Variants in RAB3C observed in about 807,000 individuals in gnomAD.
RAB3C encodes the protein RAB3C, member RAS oncogene family, also known as ras-related protein Rab-3C.
RAB3C carries 17 observed loss-of-function variants against 26.4 expected under a neutral mutation model. The observed-to-expected ratio is 0.64, with a 90% confidence interval of 0.44 to 0.97. The LOEUF is 0.97. Ranked by LOEUF, RAB3C falls within the 50% of genes least tolerant of loss-of-function variation. The pLI is 0.00. For synonymous variants in RAB3C, 91 were observed against 95.9 expected, an observed-to-expected ratio of 0.95 and a Z score of 0.30; for missense variants, 242 against 281.9, an observed-to-expected ratio of 0.86 and a Z score of 1.01.
intron 2 of RAB3C, among the ~76,000 whole-genome samples, chr5:58,696,591 A>G (rs1385415967): frequency 6.6e-6 from 1 of 152,150 alleles, no homozygotes; most frequent in East Asian, 1.9e-4. Context: ...TATTGCTTCA[A>G]TTTCAGAGCC....
intron 2 of RAB3C, among the ~76,000 whole-genome samples, chr5:58,696,770 C>A (rs1375188036): frequency 6.6e-6 from 1 of 151,920 alleles, no homozygotes; most frequent in Non-Finnish European, 1.5e-5. Flanking sequence ...TGGTGATATC[C>A]CCTTTATCAT....
chr5:58,699,603 A>G (rs952111050), intron 2 of RAB3C, among the ~76,000 whole-genome samples: 2 of 152,098 alleles, frequency 1.3e-5, no homozygotes, highest in Admixed American at 6.5e-5. Flanking sequence ...GGCCTTGTTG[A>G]GCTAAGGTGG....
At chr5:58,735,543 G>A (rs569010865) in intron 3 of RAB3C, among the ~76,000 whole-genome samples, 18 of 152,260 alleles carry the variant, frequency 1.2e-4, no homozygotes, top group South Asian at 1.0e-3. Flanking sequence ...AATATACTAT[G>A]TCACAGTTCT....
At chr5:58,676,851 A>T (rs1748241627) in intron 2 of RAB3C, among the ~76,000 whole-genome samples, 1 of 152,194 alleles carries the variant, frequency 6.6e-6, no homozygotes, top group Non-Finnish European at 1.5e-5. Flanking sequence ...ACTCAAAATT[A>T]TCAATGTATT....
intron 2 of RAB3C, among the ~76,000 whole-genome samples, chr5:58,654,467 T>C (rs1747723433): frequency 6.6e-6 from 1 of 152,212 alleles, no homozygotes; most frequent in Admixed American, 6.5e-5. Context: ...CATTTAATTA[T>C]AATTTAAATG....
intron 2 of RAB3C, among the ~76,000 whole-genome samples, chr5:58,688,078 A>G (rs1249151407): frequency 6.6e-6 from 1 of 152,142 alleles, no homozygotes; most frequent in Non-Finnish European, 1.5e-5. Flanking sequence ...TAATACCAAA[A>G]ATCATTTTAC....
intron 2 of RAB3C, among the ~76,000 whole-genome samples, chr5:58,720,266 G>T (rs867756256): frequency 2.6e-5 from 4 of 151,866 alleles, no homozygotes; most frequent in Middle Eastern, 3.4e-3. Flanking sequence ...CTAATTAAGT[G>T]CTCTCAATGT....
intron 3 of RAB3C, among the ~76,000 whole-genome samples, chr5:58,764,298 G>GC (rs79165454): frequency 0.22 from 33,351 of 152,022 alleles, 3,822 homozygotes; most frequent in East Asian, 0.33. Context: ...CACGGCTATG[G>GC]CCTTTAAATC....
chr5:58,706,864 C>T (rs1748953141), intron 2 of RAB3C, among the ~76,000 whole-genome samples: 1 of 152,170 alleles, frequency 6.6e-6, no homozygotes, highest in East Asian at 1.9e-4. Flanking sequence ...ATCATTTTTA[C>T]CGTTGAGACA....
intron 2 of RAB3C, among the ~76,000 whole-genome samples, chr5:58,674,625 G>A (rs913380763): frequency 6.6e-6 from 1 of 152,136 alleles, no homozygotes; most frequent in Non-Finnish European, 1.5e-5. Context: ...ATACAATAAT[G>A]CAATATTTAA....
At chr5:58,623,650 A>T (rs1230710003) in intron 2 of RAB3C, among the ~76,000 whole-genome samples, 3 of 152,182 alleles carry the variant, frequency 2.0e-5, no homozygotes, top group African/African-American at 7.2e-5. Flanking sequence ...CCTACATCCC[A>T]CTGTGTTTAA....
chr5:58,789,214 G>C (rs763844913), intron 3 of RAB3C, among the ~76,000 whole-genome samples: 6 of 152,002 alleles, frequency 3.9e-5, no homozygotes, highest in Non-Finnish European at 8.8e-5. Flanking sequence ...TCTGCTTGGG[G>C]TACCAGCTGC....
At chr5:58,624,721 T>C (rs947399493) in intron 2 of RAB3C, among the ~76,000 whole-genome samples, 3 of 152,112 alleles carry the variant, frequency 2.0e-5, no homozygotes, top group African/African-American at 7.2e-5. Context: ...CAGTGGAACA[T>C]GCAGGCAAAG....
At chr5:58,797,967 C>A (rs1392817120) in intron 3 of RAB3C, among the ~76,000 whole-genome samples, 1 of 152,106 alleles carries the variant, frequency 6.6e-6, no homozygotes, top group Non-Finnish European at 1.5e-5. Context: ...GTAGTCCAGG[C>A]ATGTGTCAAG....
chr5:58,744,388 G>A (rs1488852899), intron 3 of RAB3C, among the ~76,000 whole-genome samples: 1 of 152,228 alleles, frequency 6.6e-6, no homozygotes, highest in Non-Finnish European at 1.5e-5. Flanking sequence ...GACTGATAGG[G>A]AGAAGGCTTC....
At chr5:58,612,105 A>G (rs901686097) in intron 1 of RAB3C, among the ~76,000 whole-genome samples, 3 of 151,954 alleles carry the variant, frequency 2.0e-5, no homozygotes, top group African/African-American at 7.3e-5. Flanking sequence ...TTGTTTTTGT[A>G]CCAGTATCAT....
At chr5:58,746,785 C>T (rs907702607) in intron 3 of RAB3C, among the ~76,000 whole-genome samples, 3 of 152,160 alleles carry the variant, frequency 2.0e-5, no homozygotes, top group African/African-American at 7.2e-5. Flanking sequence ...GTGACATATT[C>T]TGAAAATGTT....
At chr5:58,696,404 C>A (rs972423904) in intron 2 of RAB3C, among the ~76,000 whole-genome samples, 1 of 152,092 alleles carries the variant, frequency 6.6e-6, no homozygotes, top group African/African-American at 2.4e-5. Flanking sequence ...TGTATCTCTG[C>A]CAGACCTTGG....
chr5:58,773,399 A>G (rs1294885002), intron 3 of RAB3C, among the ~76,000 whole-genome samples: 5 of 152,138 alleles, frequency 3.3e-5, no homozygotes, highest in Admixed American at 6.6e-5. Context: ...GTCACTCCCC[A>G]TCATAGGACT....
Sources: allele counts gnomAD v4.1 joint callset (sites outside exome capture counted in the v4.1 genomes callset), GRCh38; gene constraint gnomAD v4.1.1; transcripts MANE v1.5; gene names NCBI Gene and HGNC (gene_info 2026-07-23, HGNC 2026-07-21).